The following PARD3 variants were observed in gnomAD, a reference collection of about 807,000 sequenced individuals.
The protein encoded by PARD3 is partitioning defective 3 homolog.
PARD3 carries 75 observed loss-of-function variants against 155.4 expected under a neutral mutation model. The observed-to-expected ratio is 0.48, with a 90% CI of 0.40 to 0.58. PARD3 has a LOEUF of 0.58. PARD3 is among the 20% of genes least tolerant of loss of function. PARD3 has a pLI of 0.00. For missense variants in PARD3, 1,642 were observed against 1,721.7 expected (o/e 0.95, Z 0.82); for synonymous variants, 576 against 610.5 (o/e 0.94, Z 0.83).
intron 22 of PARD3, among the ~76,000 whole-genome samples, chr10:34,201,005 T>C (rs1033911091): frequency 1.3e-5 from 2 of 152,198 alleles, no homozygotes; most frequent in Admixed American, 6.5e-5. Flanking sequence ...TGCCTGTGTA[T>C]ACATGCAGAC....
At chr10:34,522,718 T>C (rs2082226128) in intron 2 of PARD3, among the ~76,000 whole-genome samples, 1 of 152,108 alleles carries the variant, frequency 6.6e-6, no homozygotes, top group Non-Finnish European at 1.5e-5. Context: ...TGGCACAAAA[T>C]GAAGACCTTC....
At chr10:34,206,489 G>A (rs1008243955) in intron 22 of PARD3, among the ~76,000 whole-genome samples, 3 of 152,132 alleles carry the variant, frequency 2.0e-5, no homozygotes, top group East Asian at 1.9e-4. Context: ...GGCTTAGCCC[G>A]GGAAGGTTCT....
chr10:34,780,317 C>T (rs1840096132), intron 1 of PARD3, among the ~76,000 whole-genome samples: 1 of 152,190 alleles, frequency 6.6e-6, no homozygotes, highest in Admixed American at 6.5e-5. Context: ...TGGTTTACGG[C>T]AGATGTCTTG....
intron 2 of PARD3, among the ~76,000 whole-genome samples, chr10:34,645,606 T>C (rs1356613463): frequency 6.6e-6 from 1 of 152,222 alleles, no homozygotes; most frequent in African/African-American, 2.4e-5. Flanking sequence ...CAGGTATCTC[T>C]TACCATCTGA....
chr10:34,183,874 G>A (rs1950372234), intron 22 of PARD3, among the ~76,000 whole-genome samples: 2 of 152,106 alleles, frequency 1.3e-5, no homozygotes, highest in Non-Finnish European at 1.5e-5. Flanking sequence ...TAATCCTATC[G>A]GCATGAAACC....
intron 2 of PARD3, among the ~76,000 whole-genome samples, chr10:34,587,367 T>C (rs2088179680): frequency 6.6e-6 from 1 of 152,148 alleles, no homozygotes; most frequent in Admixed American, 6.5e-5. Context: ...CCCAAAGTGC[T>C]GGGATTACAG....
chr10:34,467,745 CTAAATAAATAAA>C (rs373700816), intron 4 of PARD3, among the ~76,000 whole-genome samples: 2 of 152,006 alleles, frequency 1.3e-5, no homozygotes, highest in Admixed American at 6.5e-5. Context: ...GACCCCATCT[CTAAATAAATAAA>C]TAAATAAATA....
chr10:34,585,901 C>T (rs1009615491), intron 2 of PARD3, among the ~76,000 whole-genome samples: 2 of 152,110 alleles, frequency 1.3e-5, no homozygotes, highest in Non-Finnish European at 2.9e-5. Context: ...CTGAATGGCT[C>T]GGATATGGTG....
At chr10:34,440,451 C>A (rs569767100) in intron 5 of PARD3, among the ~76,000 whole-genome samples, 3 of 152,260 alleles carry the variant, frequency 2.0e-5, no homozygotes, top group Middle Eastern at 3.4e-3. Flanking sequence ...TTTAAGACTG[C>A]CTGCAATGAA....
intron 22 of PARD3, among the ~76,000 whole-genome samples, chr10:34,256,349 G>A (rs1954655073): frequency 1.3e-5 from 2 of 152,176 alleles, no homozygotes; most frequent in African/African-American, 4.8e-5. Flanking sequence ...CTTCTGCTCT[G>A]TCGTTTGCTC....
At chr10:34,512,134 A>G (rs1489559494) in intron 3 of PARD3, among the ~76,000 whole-genome samples, 1 of 152,238 alleles carries the variant, frequency 6.6e-6, no homozygotes, top group Non-Finnish European at 1.5e-5. Context: ...CAGAAGTTGC[A>G]GAATAGTAAT....
chr10:34,616,968 G>A (rs551072028), intron 2 of PARD3, among the ~76,000 whole-genome samples: 1 of 150,158 alleles, frequency 6.7e-6, no homozygotes, highest in African/African-American at 2.5e-5. Context: ...TTAAAAAGTT[G>A]ATCTTGGCCG....
chr10:34,702,531 T>C (rs1050837600), intron 1 of PARD3, among the ~76,000 whole-genome samples: 4 of 152,170 alleles, frequency 2.6e-5, no homozygotes, highest in Non-Finnish European at 4.4e-5. Flanking sequence ...ACAGCAGGTC[T>C]GGACTGAGAA....
chr10:34,425,139 A>G (rs2075530200), intron 5 of PARD3, among the ~76,000 whole-genome samples: 1 of 151,930 alleles, frequency 6.6e-6, no homozygotes, highest in Non-Finnish European at 1.5e-5. Context: ...CTCTACTGGA[A>G]TAGCCTGCAT....
chr10:34,745,811 T>C (rs1181664710), intron 1 of PARD3, among the ~76,000 whole-genome samples: 1 of 151,604 alleles, frequency 6.6e-6, no homozygotes, highest in Non-Finnish European at 1.5e-5. Context: ...AGAAAATAAT[T>C]AAGAAACGGC....
intron 7 of PARD3, among the ~76,000 whole-genome samples, chr10:34,388,438 G>A (rs140525617): frequency 4.6e-5 from 7 of 152,156 alleles, no homozygotes; most frequent in African/African-American, 1.7e-4. Context: ...AAAGTAGTAA[G>A]AAGAGACACT....
intron 20 of PARD3, among the ~76,000 whole-genome samples, chr10:34,308,547 G>A (rs541105879): frequency 1.3e-5 from 2 of 152,270 alleles, no homozygotes; most frequent in South Asian, 4.1e-4. Flanking sequence ...CAACTGAGAA[G>A]ACAGAACTGC....
intron 22 of PARD3, among the ~76,000 whole-genome samples, chr10:34,235,462 T>C (rs981877416): frequency 6.6e-6 from 1 of 152,250 alleles, no homozygotes; most frequent in Admixed American, 6.5e-5. Context: ...CCTTGTCGTG[T>C]TCTCTCCTAC....
At chr10:34,306,979 T>C (rs1012953780) in intron 20 of PARD3, among the ~76,000 whole-genome samples, 2 of 151,942 alleles carry the variant, frequency 1.3e-5, no homozygotes, top group Non-Finnish European at 2.9e-5. Context: ...CTCCGCCTCC[T>C]GGGTTCACAC....
Sources: gnomAD v4.1 joint callset for allele counts (sites outside exome capture counted in the v4.1 genomes callset) on GRCh38, gnomAD v4.1.1 for gene constraint, MANE v1.5 for transcripts, NCBI Gene and HGNC (gene_info 2026-07-23, HGNC 2026-07-21) for gene names.